The following ZNF385D variants were observed in gnomAD, a reference collection of about 807,000 sequenced individuals.
The protein encoded by ZNF385D is zinc finger protein 385D, also known as zinc finger protein 659.
ZNF385D carries 15 observed loss-of-function variants against 35.8 expected under a neutral mutation model. The ratio of observed to expected loss-of-function variants is 0.42; its 90% CI spans 0.28 to 0.64. ZNF385D has a LOEUF of 0.64. Ranked by LOEUF, ZNF385D falls within the 30% of genes least tolerant of loss-of-function variation. ZNF385D has a pLI of 0.23. For missense variants in ZNF385D, 474 were observed against 494.6 expected (o/e 0.96, Z 0.39); for synonymous variants, 212 against 186.8 (o/e 1.13, Z -1.10).
chr3:22,220,644 A>G (rs751415047), intron 2 of ZNF385D, among the ~76,000 whole-genome samples: 16 of 152,136 alleles, frequency 1.1e-4, no homozygotes, highest in Non-Finnish European at 2.2e-4. Flanking sequence ...CATACTTCTG[A>G]GTCTTCACAT....
intron 3 of ZNF385D, among the ~76,000 whole-genome samples, chr3:22,111,000 A>C (rs749809605): frequency 6.6e-6 from 1 of 151,936 alleles, no homozygotes; most frequent in Non-Finnish European, 1.5e-5. Flanking sequence ...ATTTAGTTTT[A>C]TCAAACTGAG....
At chr3:22,224,060 G>A (rs897073994) in intron 2 of ZNF385D, among the ~76,000 whole-genome samples, 1 of 152,074 alleles carries the variant, frequency 6.6e-6, no homozygotes, top group African/African-American at 2.4e-5. Context: ...CTTATCCCAA[G>A]TATATGCAAG....
intron 2 of ZNF385D, among the ~76,000 whole-genome samples, chr3:22,259,416 A>G (rs555803723): frequency 6.6e-6 from 1 of 152,022 alleles, no homozygotes; most frequent in Non-Finnish European, 1.5e-5. Context: ...AAATACCAGT[A>G]TAAGAATAAC....
intron 3 of ZNF385D, among the ~76,000 whole-genome samples, chr3:21,812,941 C>A (rs1175358267): frequency 6.6e-6 from 1 of 152,192 alleles, no homozygotes; most frequent in Admixed American, 6.5e-5. Context: ...GGAGACACCT[C>A]CCAGTACGGG....
intron 2 of ZNF385D, among the ~76,000 whole-genome samples, chr3:22,171,617 C>G (rs965434230): frequency 1.3e-5 from 2 of 152,112 alleles, no homozygotes; most frequent in African/African-American, 4.8e-5. Context: ...TGGCTCACGC[C>G]TGTAATCCCA....
chr3:22,029,579 T>A (rs928830609), intron 3 of ZNF385D, among the ~76,000 whole-genome samples: 1 of 152,242 alleles, frequency 6.6e-6, no homozygotes, highest in Admixed American at 6.5e-5. Context: ...CATGAGTATT[T>A]CCTTCTTCTT....
At chr3:22,104,082 T>C (rs1702080171) in intron 3 of ZNF385D, among the ~76,000 whole-genome samples, 1 of 152,140 alleles carries the variant, frequency 6.6e-6, no homozygotes, top group South Asian at 2.1e-4. Context: ...ATGTGAGAAC[T>C]TGTTATCTTT....
intron 3 of ZNF385D, among the ~76,000 whole-genome samples, chr3:22,064,634 C>T (rs1033960394): frequency 2.0e-5 from 3 of 152,150 alleles, no homozygotes; most frequent in Non-Finnish European, 2.9e-5. Context: ...CTGGCATCCA[C>T]AACACCACAG....
chr3:21,973,880 T>C (rs1703431110), intron 3 of ZNF385D, among the ~76,000 whole-genome samples: 1 of 151,898 alleles, frequency 6.6e-6, no homozygotes, highest in Non-Finnish European at 1.5e-5. Flanking sequence ...GTGAAAGATC[T>C]CTACAATGAA....
chr3:22,124,735 C>T (rs1423974545), intron 3 of ZNF385D, among the ~76,000 whole-genome samples: 2 of 152,072 alleles, frequency 1.3e-5, no homozygotes, highest in Non-Finnish European at 2.9e-5. Context: ...ATTGTCTATT[C>T]AGATCTTCTG....
chr3:21,453,164 C>T lies in ZNF385D; in HGVS notation c.440-15961G>A, dbSNP rs1490185037. Among the ~76,000 whole-genome samples, 3 of 72,608 alleles carry T rather than the reference C, an allele frequency of 4.1e-5. No homozygotes were observed. The Admixed American group carries it at 4.8e-4, about 12-fold the overall frequency. The allele number at this position is 72,608 out of a possible 152,430, so 47.6% of individuals were successfully genotyped here. ...TGATGCTAGGACAAATAAGCATACA[C>T]ATGCAAAAAAAAAAAAAATGAAGTT... On this transcript the variant is annotated intron_variant, in intron 4 of 7. Transcript: ENST00000281523.
At chr3:22,350,519 T>C (rs1695867763) in intron 2 of ZNF385D, among the ~76,000 whole-genome samples, 1 of 152,126 alleles carries the variant, frequency 6.6e-6, no homozygotes, top group South Asian at 2.1e-4. Context: ...TATAAGCTAT[T>C]GATTCCAGGC....
At chr3:21,798,790 T>G (rs1020077068) in intron 3 of ZNF385D, among the ~76,000 whole-genome samples, 4 of 152,268 alleles carry the variant, frequency 2.6e-5, no homozygotes, top group Admixed American at 2.6e-4. Flanking sequence ...GAATTCTCAG[T>G]GATACTTTAT....
At chr3:22,145,865 T>C (rs925058342) in intron 3 of ZNF385D, among the ~76,000 whole-genome samples, 1 of 152,120 alleles carries the variant, frequency 6.6e-6, no homozygotes, top group Admixed American at 6.6e-5. Context: ...CAAATCAACA[T>C]GAGGGTTCCC....
intron 2 of ZNF385D, among the ~76,000 whole-genome samples, chr3:22,296,082 A>G (rs1261021908): frequency 6.6e-6 from 1 of 152,180 alleles, no homozygotes; most frequent in African/African-American, 2.4e-5. Context: ...TAAATATCCA[A>G]AATGTAAGGT....
At chr3:22,346,873 C>T (rs73041318) in intron 2 of ZNF385D, among the ~76,000 whole-genome samples, 45,348 of 152,010 alleles carry the variant, frequency 0.3, 7,351 homozygotes, top group African/African-American at 0.39. Flanking sequence ...ATCCAGAGTG[C>T]GACACTACAC....
chr3:22,079,373 AATTAT>A (rs1700627061), intron 3 of ZNF385D, among the ~76,000 whole-genome samples: 1 of 151,942 alleles, frequency 6.6e-6, no homozygotes, highest in Non-Finnish European at 1.5e-5. Flanking sequence ...TTACAACATT[AATTAT>A]ATAATTAATA....
intron 2 of ZNF385D, among the ~76,000 whole-genome samples, chr3:22,241,954 T>C (rs995411595): frequency 1.3e-5 from 2 of 150,562 alleles, no homozygotes; most frequent in African/African-American, 4.9e-5. Flanking sequence ...CTACTTTAAA[T>C]ATCCACTCCC....
intron 3 of ZNF385D, among the ~76,000 whole-genome samples, chr3:21,970,725 C>T (rs1173802837): frequency 6.6e-6 from 1 of 151,470 alleles, no homozygotes; most frequent in Admixed American, 6.6e-5. Context: ...TATAGAACAC[C>T]AAGAAGATTT....
Sources: gnomAD v4.1 joint callset for allele counts (sites outside exome capture counted in the v4.1 genomes callset) on GRCh38, gnomAD v4.1.1 for gene constraint, MANE v1.5 for transcripts, NCBI Gene and HGNC (gene_info 2026-07-23, HGNC 2026-07-21) for gene names.